The following LDB1 variants were observed in gnomAD, a reference collection of about 807,000 sequenced individuals.
The protein encoded by LDB1 is LIM domain-binding protein 1.
A neutral mutation model predicts 49.7 loss-of-function variants in LDB1; 6 were observed. The ratio of observed to expected loss-of-function variants is 0.12; its 90% CI spans 0.07 to 0.24. The LOEUF is 0.24. Ranked by LOEUF, LDB1 falls within the 10% of genes least tolerant of loss-of-function variation. The pLI is 1.00. For missense variants in LDB1, 341 were observed against 561.7 expected (o/e 0.61, Z 3.97); for synonymous variants, 233 against 202.0 (o/e 1.15, Z -1.30).
Position 102,109,239 on chromosome 10 carries a change from G to C in LDB1, c.857-62C>G. On this transcript the variant is annotated intron_variant, in intron 9 of 10. Coordinates refer to ENST00000673968, the MANE Select transcript of LDB1 (RefSeq NM_001113407.3). The surrounding 1 kb of genome is among the most constrained non-coding windows in gnomAD (Gnocchi z 5.8). ...CCCAGGTCCCCTATTCTCCATTGTG[G>C]CTCCCAAGGAGCATGAGCCTGCCCT... 6.2e-7 allele frequency: 1 copy of C among 1,609,944 alleles called. No individual in the cohort carries two copies. The highest frequency in any genetic ancestry group is 8.5e-7 in the Non-Finnish European group (1 of 1,178,472).
chr10:102,104,187 C>A (rs779109514), downstream of LDB1, among the ~76,000 whole-genome samples: 1 of 152,010 alleles, frequency 6.6e-6, no homozygotes, highest in Non-Finnish European at 1.5e-5. Context: ...CAGATCAGAC[C>A]GGGTCAGGAA....
Position 102,111,260 on chromosome 10 carries a change from T to C in LDB1, c.169A>G (p.Ile57Val). The C allele has an allele frequency of 6.2e-7, 1 of 1,614,054 alleles. No individual in the cohort carries two copies. The highest frequency in any genetic ancestry group is 8.5e-7 in the Non-Finnish European group (1 of 1,179,986). Residue 57 changes from isoleucine (I) to valine (V), a missense_variant, in exon 3 of 11, where the codon ATT (isoleucine) becomes GTT (valine). Coordinates refer to ENST00000673968, the MANE Select transcript of LDB1 (RefSeq NM_001113407.3). The part of the protein sequence containing the change: ...MYPPTYLEPG[I>V]GRHTPYGNQT... ...TCCCCACTGGACTCCACTTACCCAA[T>C]CCCTGGCTCCAGGTATGTAGGCGGA...
chr10:102,118,389 C>T (rs2068359712), intron 1 of LDB1, among the ~76,000 whole-genome samples: 1 of 152,180 alleles, frequency 6.6e-6, no homozygotes, highest in Non-Finnish European at 1.5e-5. Flanking sequence ...AGGAACATGC[C>T]TTCTGGGGCA....
Position 102,110,711 on chromosome 10 carries a change from T to TG in LDB1, c.353-11dup, listed in dbSNP as rs1554907751. The TG allele has an allele frequency of 6.2e-7, 1 of 1,610,126 alleles. No homozygotes were observed. The highest frequency in any genetic ancestry group is 1.3e-5 in the African/African-American group (1 of 74,842). On this transcript the variant is annotated splice_polypyrimidine_tract_variant and intron_variant, in intron 5 of 10. Coordinates refer to ENST00000673968, the MANE Select transcript of LDB1 (RefSeq NM_001113407.3). ...AGGGTCCGGCCAATGGCTGTAGAGA[T>TG]GGGACAAACTCTTCAGGACAAAGGG...
intron 1 of LDB1, among the ~76,000 whole-genome samples, chr10:102,115,534 T>C (rs1410579545): frequency 1.3e-5 from 2 of 152,122 alleles, no homozygotes; most frequent in Admixed American, 1.3e-4. Flanking sequence ...CACTCCAGGC[T>C]TCCCTGCCCC....
intron 6 of LDB1, 39 bp downstream of exon 6, chr10:102,110,490 C>A (rs56892378): frequency 0.034 from 53,080 of 1,582,604 alleles, 3,671 homozygotes; most frequent in African/African-American, 0.29. Flanking sequence ...GAATCAAACC[C>A]AGGTGCCATG....
rs1564912909 is a variant in LDB1, at chr10:102,110,857, G to C, written c.352+12C>G. 2 of 1,609,440 alleles carry C rather than the reference G, an allele frequency of 1.2e-6. No homozygotes were observed. Among genetic ancestry groups the C allele is most frequent in the Non-Finnish European group, 1.7e-6 (2 of 1,175,844 alleles). ...TATACACCCTCATAGCAAGACCCCA[G>C]AGGCCACTTACTATATCTCTTTGGT... is the stretch of plus-strand genomic sequence containing the variant. On this transcript the variant is annotated intron_variant, in intron 5 of 10. Transcript: ENST00000673968.
At chr10:102,102,875 G>T (rs1246605850), downstream of LDB1, among the ~76,000 whole-genome samples, 2 of 152,040 alleles carry the variant, frequency 1.3e-5, no homozygotes, top group African/African-American at 4.8e-5. Context: ...GCACACTGTG[G>T]CCTCAAGCTC....
chr10:102,105,120 C>T (rs1010647314), downstream of LDB1, among the ~76,000 whole-genome samples: 1 of 152,204 alleles, frequency 6.6e-6, no homozygotes, highest in Non-Finnish European at 1.5e-5. Flanking sequence ...TACACACACA[C>T]TCAGGCTAAT....
chr10:102,113,847 G>C (rs1460666814), intron 1 of LDB1, among the ~76,000 whole-genome samples: 1 of 151,736 alleles, frequency 6.6e-6, no homozygotes, highest in East Asian at 1.9e-4. Context: ...AAATAGCTCT[G>C]AGGAGCTAGA....
At chr10:102,114,889 C>T in intron 1 of LDB1, 1 of 979,858 alleles carries the variant, frequency 1.0e-6, no homozygotes, top group Non-Finnish European at 1.2e-6. Flanking sequence ...CTCACACTCA[C>T]TCACACTCGC....
rs1341216653 is a variant in LDB1 at position 102,107,588 on chromosome 10, T to C, written c.*505A>G. The C allele has an allele frequency of 6.5e-6, 1 of 152,934 alleles. No individual in the cohort carries two copies. The highest frequency in any genetic ancestry group is 2.4e-5 in the African/African-American group (1 of 41,256). 9.5% of individuals were successfully genotyped at this position (152,934 alleles called of 1,614,324 possible). A position where few individuals can be genotyped will look rare whatever the true frequency, so the allele number is the denominator to read the frequency against. On this transcript the variant is annotated 3_prime_UTR_variant, in exon 11 of 11. Transcript: ENST00000673968. Reference sequence around the variant, plus strand: ...TTTTTTTAACTTACATTTTTAATAATATTATTTTTAAAAAAACTTGGAGCT... The same window carrying C: ...TTTTTTTAACTTACATTTTTAATAACATTATTTTTAAAAAAACTTGGAGCT...
downstream of LDB1, among the ~76,000 whole-genome samples, chr10:102,105,525 T>C (rs2133492037): frequency 6.6e-6 from 1 of 152,132 alleles, no homozygotes; most frequent in South Asian, 2.1e-4. Context: ...AGAGGGACAC[T>C]GGATAGGGAG....
At chr10:102,115,673 C>T (rs185962748) in intron 1 of LDB1, among the ~76,000 whole-genome samples, 26 of 151,994 alleles carry the variant, frequency 1.7e-4, no homozygotes, top group Admixed American at 1.3e-3. Context: ...CCAACTTGGC[C>T]ATCCAAGGGT....
chr10:102,109,290 CAAGG>C lies in LDB1; in HGVS notation c.856+90_856+93del. 6.2e-7 allele frequency: 1 copy of C among 1,603,446 alleles called. No homozygotes were observed. The highest frequency in any genetic ancestry group is 8.5e-7 in the Non-Finnish European group (1 of 1,174,266). On this transcript the variant is annotated intron_variant, in intron 9 of 10. Coordinates refer to ENST00000673968, the MANE Select transcript of LDB1 (RefSeq NM_001113407.3). This position sits in a 1 kb window ranked among gnomAD's most constrained non-coding sequence, Gnocchi z 5.8. ...GATCCCAATTTTGTAGACCCGGGAACAAGGAAGGGGTGGGGAAAACTTCAAAAGG... is the reference window on the plus strand; with the variant it reads ...GATCCCAATTTTGTAGACCCGGGAACAAGGGGTGGGGAAAACTTCAAAAGG...
rs558516308 is a variant in LDB1 at position 102,106,541 on chromosome 10, CAAAAAAAAAAAAAAAAAAAAAAAAAAAAA to C, written c.*1523_*1551del. Among the ~76,000 whole-genome samples the C allele has an allele frequency of 3.9e-4, 7 of 17,758 alleles. No homozygotes were observed. Among genetic ancestry groups the C allele is most frequent in the Admixed American group, 6.3e-4 (1 of 1,580 alleles). 11.6% of individuals were successfully genotyped at this position (17,758 alleles called of 152,430 possible). A position where few individuals can be genotyped will look rare whatever the true frequency, so the allele number is the denominator to read the frequency against. ...GGTACCATACATGACTCAAATGGCC[CAAAAAAAAAAAAAAAAAAAAAAAAAAAAA>C]AAAAAAAAAAAAAAGGCATTACAGT... On this transcript the variant is annotated 3_prime_UTR_variant, in exon 11 of 11. Transcript: ENST00000673968.
chr10:102,114,285 G>T, intron 1 of LDB1: 1 of 968,746 alleles, frequency 1.0e-6, no homozygotes, highest in Non-Finnish European at 1.2e-6. Context: ...CAGGTCAGCA[G>T]GCCTGAGCGC....
Position 102,107,975 on chromosome 10 carries a change from C to T in LDB1, c.*118G>A, listed in dbSNP as rs980664854. Reference sequence around the variant, plus strand: ...CAGAGAGTCCAGTTCCTCCCTGAAGCGGGTGGATGGAGGCTGCCCATTTTA... The same window carrying T: ...CAGAGAGTCCAGTTCCTCCCTGAAGTGGGTGGATGGAGGCTGCCCATTTTA... On this transcript the variant is annotated 3_prime_UTR_variant, in exon 11 of 11. Transcript: ENST00000673968. 4.0e-5 allele frequency: 33 copies of T among 831,082 alleles called. No individual in the cohort carries two copies. Among genetic ancestry groups the T allele is most frequent in the Admixed American group, 1.8e-4 (9 of 50,462 alleles). 51.5% of individuals were successfully genotyped at this position (831,082 alleles called of 1,614,324 possible).
upstream of LDB1, among the ~76,000 whole-genome samples, chr10:102,121,316 C>A (rs937384762): frequency 6.6e-6 from 1 of 152,184 alleles, no homozygotes; most frequent in Non-Finnish European, 1.5e-5. Flanking sequence ...GCCTCCGACC[C>A]CCCTGCCTGG....
Sources: allele counts gnomAD v4.1 joint callset (sites outside exome capture counted in the v4.1 genomes callset), GRCh38; gene constraint gnomAD v4.1.1; non-coding constraint Gnocchi (gnomAD v3.1); transcripts MANE v1.5; gene names NCBI Gene and HGNC (gene_info 2026-07-23, HGNC 2026-07-21).